Variants in DPF1 observed in about 807,000 individuals in gnomAD.
The protein encoded by DPF1 is zinc finger protein neuro-d4.
A neutral mutation model predicts 58.7 loss-of-function variants in DPF1; 14 were observed. That is an observed-to-expected ratio of 0.24 (90% CI 0.16 to 0.37). The LOEUF (loss-of-function observed/expected upper bound fraction) is 0.37, where lower values mean the gene tolerates loss of function less well. DPF1 is among the 10% of genes least tolerant of loss of function. The pLI, the probability that DPF1 is intolerant of heterozygous loss-of-function variation, is 1.00. For missense variants in DPF1, 345 were observed against 529.9 expected, an observed-to-expected ratio of 0.65 and a Z score of 3.43; for synonymous variants, 216 against 216.0, an observed-to-expected ratio of 1.00 and a Z score of 0.00.
chr19:38,212,774 C>CT (rs11367248), intron 10 of DPF1, among the ~76,000 whole-genome samples: 1,778 of 81,592 alleles, frequency 0.022, 14 homozygotes, highest in Non-Finnish European at 0.025. Flanking sequence ...CCATGCACGA[C>CT]TTTTTTTTTT....
rs1600258115 is a variant in DPF1 at position 38,218,450 on chromosome 19, C to T, written c.516+123G>A. The T allele has an allele frequency of 5.0e-6, 5 of 1,009,536 alleles. No homozygotes were observed. In the East Asian group the frequency reaches 9.7e-5, roughly 20 times the overall value. The allele number at this position is 1,009,536 out of a possible 1,614,324, so 62.5% of individuals were successfully genotyped here. On this transcript the variant is annotated intron_variant, in intron 5 of 11. Coordinates refer to ENST00000355526, the MANE Select transcript of DPF1 (RefSeq NM_001135155.3). Reference sequence around the variant, plus strand: ...TAAAATCCCCCACCCCTGCAGGCCGCTCTGGGGATTCAATGAGGTCAGACT... The same window carrying T: ...TAAAATCCCCCACCCCTGCAGGCCGTTCTGGGGATTCAATGAGGTCAGACT...
Position 38,222,714 on chromosome 19 carries a change from G to A in DPF1, c.30-6C>T. On this transcript the variant is annotated splice_region_variant and splice_polypyrimidine_tract_variant and intron_variant, in intron 1 of 11. Coordinates refer to ENST00000355526, the MANE Select transcript of DPF1 (RefSeq NM_001135155.3). This position sits in a 1 kb window ranked among gnomAD's most constrained non-coding sequence, Gnocchi z 4.9. ...GGTAGAAGTCCTCGCCTAGGCTAGA[G>A]GGGCGGCGAACGGGCGGGCGGCTGT... is the stretch of plus-strand genomic sequence containing the variant. 1 of 1,582,808 alleles carries A rather than the reference G, an allele frequency of 6.3e-7. No individual in the cohort carries two copies. The highest frequency in any genetic ancestry group is 1.1e-5 in the South Asian group (1 of 88,130).
chr19:38,218,066 G>A (rs1967170648), intron 5 of DPF1, among the ~76,000 whole-genome samples, 190 bp from the exon 6 acceptor site: 1 of 152,160 alleles, frequency 6.6e-6, no homozygotes, highest in African/African-American at 2.4e-5. Context: ...GCTGGGCATG[G>A]TGGCGCGTGC....
At chr19:38,217,715 T>G (rs1967136112) in intron 6 of DPF1, 83 bp downstream of exon 6, 3 of 1,593,998 alleles carry the variant, frequency 1.9e-6, no homozygotes, top group African/African-American at 1.3e-5. Context: ...AACCCGGGTC[T>G]GGAACGGGAG....
rs1203638577 is a variant in DPF1, at chr19:38,211,976, C to T, written c.*87G>A. The stretch of plus-strand genomic sequence containing the variant: ...GCTTCCCCCTCTCCCCCTCCCCCTG[C>T]GGGATGTTCAGGGTGGGGGAGAATT... On this transcript the variant is annotated 3_prime_UTR_variant, in exon 12 of 12. Coordinates refer to ENST00000355526, the MANE Select transcript of DPF1 (RefSeq NM_001135155.3). The surrounding 1 kb of genome is among the most constrained non-coding windows in gnomAD (Gnocchi z 4.0). The T allele has an allele frequency of 6.2e-6, 9 of 1,454,104 alleles. No homozygotes were observed. The African/African-American group carries it at 6.9e-5, about 11-fold the overall frequency. 90.1% of individuals were successfully genotyped at this position (1,454,104 alleles called of 1,614,324 possible). A position where few individuals can be genotyped will look rare whatever the true frequency, so the allele number is the denominator to read the frequency against.
At chr19:38,219,193 G>A in intron 3 of DPF1, 135 bp from the exon 4 acceptor site, 2 of 1,316,940 alleles carry the variant, frequency 1.5e-6, no homozygotes, top group Non-Finnish European at 2.1e-6. Flanking sequence ...ACATGCCCTA[G>A]GAGGGAGGCC....
intron 3 of DPF1, among the ~76,000 whole-genome samples, chr19:38,220,171 A>T (rs1967341397): frequency 6.6e-6 from 1 of 150,956 alleles, no homozygotes; most frequent in Admixed American, 6.6e-5. Context: ...CTGGGTGAAA[A>T]AAAAAAAGAA....
At chr19:38,215,865 T>C (rs1006140117) in intron 9 of DPF1, among the ~76,000 whole-genome samples, 2 of 152,156 alleles carry the variant, frequency 1.3e-5, no homozygotes, top group Non-Finnish European at 2.9e-5. Flanking sequence ...CCACCACACC[T>C]GGCCTCTCAC....
chr19:38,219,119 T>C, intron 3 of DPF1, 61 bp from the exon 4 acceptor site: 1 of 1,596,610 alleles, frequency 6.3e-7, no homozygotes, highest in Non-Finnish European at 8.5e-7. Context: ...CTCCTCAAAC[T>C]ATGCAGGTGG....
At chr19:38,217,396 C>CCCCCGGG in intron 7 of DPF1, 64 bp downstream of exon 7, 1 of 1,225,738 alleles carries the variant, frequency 8.2e-7, no homozygotes, top group Non-Finnish European at 1.1e-6. Flanking sequence ...CCCCCACCCC[C>CCCCCGGG]AGCTGGGCTC....
In DPF1 at chr19:38,224,111, C is replaced by A; in HGVS notation, c.29+3G>T. The stretch of plus-strand genomic sequence containing the variant: ...CTCTCCGCCTCCCGCCGGCCCGCAC[C>A]ACCTCAGGGGGCCAGGGATGACAGT... On this transcript the variant is annotated splice_donor_region_variant and intron_variant, in intron 1 of 11. Transcript: ENST00000355526. The surrounding 1 kb of genome is among the most constrained non-coding windows in gnomAD (Gnocchi z 4.5). The A allele has an allele frequency of 1.3e-6, 2 of 1,503,138 alleles. 1 individual carries two copies. 93.1% of individuals were successfully genotyped at this position (1,503,138 alleles called of 1,614,324 possible). A position where few individuals can be genotyped will look rare whatever the true frequency, so the allele number is the denominator to read the frequency against.
Position 38,218,667 on chromosome 19 carries a change from G to A in DPF1, c.427-5C>T. On this transcript the variant is annotated splice_polypyrimidine_tract_variant and splice_region_variant and intron_variant, in intron 4 of 11. Coordinates refer to ENST00000355526, the MANE Select transcript of DPF1 (RefSeq NM_001135155.3). Reference sequence around the variant, plus strand: ...AAACTCCAGCAACTGCTGTTTCTGGGCAATAGAGAAAGGAGACGGGTCAAG... The same window carrying A: ...AAACTCCAGCAACTGCTGTTTCTGGACAATAGAGAAAGGAGACGGGTCAAG... 6.2e-7 allele frequency: 1 copy of A among 1,614,138 alleles called. No individual in the cohort carries two copies. The highest frequency in any genetic ancestry group is 8.5e-7 in the Non-Finnish European group (1 of 1,179,972).
At chr19:38,217,396 C>CCCGGGGG in intron 7 of DPF1, 64 bp downstream of exon 7, 1 of 1,225,742 alleles carries the variant, frequency 8.2e-7, no homozygotes, top group Non-Finnish European at 1.1e-6. Flanking sequence ...CCCCCACCCC[C>CCCGGGGG]AGCTGGGCTC....
chr19:38,220,781 A>G (rs1465991225), intron 3 of DPF1, among the ~76,000 whole-genome samples: 1 of 152,074 alleles, frequency 6.6e-6, no homozygotes, highest in Non-Finnish European at 1.5e-5. Context: ...GATACACACA[A>G]ACACACACAG....
chr19:38,217,677 C>G (rs1013051374), intron 6 of DPF1, 86 bp from the exon 7 acceptor site: 5 of 1,543,552 alleles, frequency 3.2e-6, no homozygotes, highest in East Asian at 2.3e-5. Flanking sequence ...ACACCTCCCC[C>G]CTCAGCCAGA....
At chr19:38,216,826 A>C (rs1379980605) in intron 7 of DPF1, among the ~76,000 whole-genome samples, 1 of 152,110 alleles carries the variant, frequency 6.6e-6, no homozygotes, top group East Asian at 1.9e-4. Flanking sequence ...CTCCCTTCTC[A>C]CATACATGTC....
intron 7 of DPF1, 199 bp downstream of exon 7, chr19:38,217,261 C>T (rs933314361): frequency 2.9e-6 from 2 of 678,018 alleles, no homozygotes; most frequent in Non-Finnish European, 4.8e-6. Context: ...AAATATTACG[C>T]CCGGCCAGGA....
intron 9 of DPF1, among the ~76,000 whole-genome samples, chr19:38,214,602 G>A (rs987765549): frequency 5.3e-5 from 8 of 152,054 alleles, no homozygotes; most frequent in Non-Finnish European, 8.8e-5. Context: ...GGTGGTGTCC[G>A]TCACTCACAC....
chr19:38,217,595 G>A lies in DPF1; in HGVS notation c.596-4C>T. ...TTCTTATACCGTTTCCCACAGACTG[G>A]GGAGCGAGCGAGCCAGGAGGGCCTG... On this transcript the variant is annotated splice_region_variant and splice_polypyrimidine_tract_variant and intron_variant, in intron 6 of 11. Coordinates refer to ENST00000355526, the MANE Select transcript of DPF1 (RefSeq NM_001135155.3). The A allele has an allele frequency of 6.5e-7, 1 of 1,546,074 alleles. No individual in the cohort carries two copies. The highest frequency in any genetic ancestry group is 1.2e-5 in the South Asian group (1 of 83,598).
Sources: gnomAD v4.1 joint callset for allele counts (sites outside exome capture counted in the v4.1 genomes callset) on GRCh38, gnomAD v4.1.1 for gene constraint, Gnocchi (gnomAD v3.1) non-coding constraint, MANE v1.5 for transcripts, NCBI Gene and HGNC (gene_info 2026-07-23, HGNC 2026-07-21) for gene names.